Variants in BCHE observed in about 807,000 individuals in gnomAD.
BCHE encodes cholinesterase.
Under a neutral mutation model 51.3 loss-of-function variants are expected in BCHE, and 48 were observed. That is an observed-to-expected ratio of 0.94 (90% CI 0.74 to 1.19). BCHE has a LOEUF of 1.19. Ranked by LOEUF, BCHE falls within the 50% of genes most tolerant of loss-of-function variation. The pLI is 0.00. For missense variants in BCHE, 847 were observed against 708.2 expected, an observed-to-expected ratio of 1.20 and a Z score of -2.23; for synonymous variants, 251 against 238.0, an observed-to-expected ratio of 1.05 and a Z score of -0.50.
chr3:165,780,981 C>T (rs972924975), intron 3 of BCHE, among the ~76,000 whole-genome samples: 6 of 152,118 alleles, frequency 3.9e-5, no homozygotes, highest in Non-Finnish European at 8.8e-5. Flanking sequence ...GTGGCTCACA[C>T]ATTTAATCCC....
intron 2 of BCHE, among the ~76,000 whole-genome samples, chr3:165,809,134 T>C (rs1230849680): frequency 6.6e-6 from 1 of 152,172 alleles, no homozygotes; most frequent in Non-Finnish European, 1.5e-5. Context: ...TTAATGGATA[T>C]CATAATGTTA....
chr3:165,806,492 A>C (rs1450656107), intron 2 of BCHE, among the ~76,000 whole-genome samples: 5 of 152,162 alleles, frequency 3.3e-5, no homozygotes, highest in Admixed American at 6.5e-5. Flanking sequence ...CAGTGATGGT[A>C]GGCCTGCATT....
At chr3:165,810,710 T>C (rs1714061253) in intron 2 of BCHE, among the ~76,000 whole-genome samples, 3 of 152,142 alleles carry the variant, frequency 2.0e-5, no homozygotes, top group Admixed American at 2.0e-4. Flanking sequence ...CCATTTGAAA[T>C]GAATGGTAAG....
intron 2 of BCHE, chr3:165,827,928 A>G (rs558445840): frequency 4.9e-6 from 2 of 407,074 alleles, no homozygotes; most frequent in African/African-American, 2.1e-5. Context: ...TACTCATACT[A>G]TCTTTTACCA....
Position 165,829,521 on chromosome 3 carries a change from A to C in BCHE, c.1513T>G (p.Tyr505Asp). 1 of 1,612,954 alleles carries C rather than the reference A, an allele frequency of 6.2e-7. No individual in the cohort carries two copies. The change falls in exon 2 of 4, where the codon TAT becomes GAT. Residue 505 changes from tyrosine to aspartate, a missense_variant. Tyr to Asp is a radical substitution (Grantham distance 160). Coordinates refer to ENST00000264381, the MANE Select transcript of BCHE (RefSeq NM_000055.4). ...ATGACAAAAATCAGCACTTACCCAT[A>C]TTTTGCAAAATTTGCCCACCGTTTC... ...IVKRWANFAK[Y>D]GNPNETQNNS... is the part of the protein sequence containing the mutation.
Position 165,821,990 on chromosome 3 carries a change from G to A in BCHE, c.1517+7527C>T, listed in dbSNP as rs1714542140. On this transcript the variant is annotated intron_variant, in intron 2 of 3. Coordinates refer to ENST00000264381, the MANE Select transcript of BCHE (RefSeq NM_000055.4). ...ATTCTGTGATAAATTTCCTTAAAGT[G>A]TAAGGGAATAAATAATAAATAAAAT... is the stretch of plus-strand genomic sequence containing the variant. 5.9e-5 allele frequency among the ~76,000 whole-genome samples: 9 copies of A among 151,960 alleles called. No individual in the cohort carries two copies. The South Asian group carries it at 1.9e-3, about 32-fold the overall frequency.
At chr3:165,824,330 C>T (rs901551888) in intron 2 of BCHE, among the ~76,000 whole-genome samples, 6 of 151,676 alleles carry the variant, frequency 4.0e-5, no homozygotes, top group Non-Finnish European at 8.8e-5. Context: ...ATGGTCCTTT[C>T]AATAGAAGCA....
At position 165,829,953 on chromosome 3, in the gene BCHE, C is replaced by A; in HGVS notation, c.1081G>T (p.Gly361Cys). 6.2e-7 allele frequency: 1 copy of A among 1,613,660 alleles called. No homozygotes were observed. The highest frequency in any genetic ancestry group is 1.7e-5 in the Admixed American group (1 of 59,876). ...TTATCTTTGCTGAAGCCAGGAGCAC[C>A]ATAGACTAAAAAAGCTGTCCCTTCA... ...KDEGTAFLVY[G>C]APGFSKDNNS... The change falls in exon 2 of 4, where the codon GGT (glycine) becomes TGT (cysteine). Residue 361 changes from glycine (G) to cysteine (C), a missense_variant. Coordinates refer to ENST00000264381, the MANE Select transcript of BCHE (RefSeq NM_000055.4).
chr3:165,783,669 G>T (rs1187524162), intron 3 of BCHE, among the ~76,000 whole-genome samples: 1 of 151,872 alleles, frequency 6.6e-6, no homozygotes, highest in Admixed American at 6.6e-5. Flanking sequence ...TTCTTCATTA[G>T]GATAATATGA....
intron 1 of BCHE, 85 bp from the exon 2 acceptor site, chr3:165,831,126 G>T: frequency 8.4e-7 from 1 of 1,193,818 alleles, no homozygotes; most frequent in South Asian, 1.4e-5. Flanking sequence ...CTAAAATATA[G>T]TCGTTAGTAA....
At chr3:165,785,113 G>C (rs931975801) in intron 3 of BCHE, among the ~76,000 whole-genome samples, 1 of 151,726 alleles carries the variant, frequency 6.6e-6, no homozygotes, top group African/African-American at 2.4e-5. Flanking sequence ...TAATCAAAAG[G>C]CATATTAAGC....
intron 2 of BCHE, among the ~76,000 whole-genome samples, chr3:165,803,647 G>A (rs186182603): frequency 1.2e-4 from 18 of 152,234 alleles, no homozygotes; most frequent in Admixed American, 1.1e-3. Flanking sequence ...AGGTCAAGTT[G>A]ACAGAATTTA....
chr3:165,809,117 A>C (rs1026582738), intron 2 of BCHE, among the ~76,000 whole-genome samples: 34 of 152,038 alleles, frequency 2.2e-4, no homozygotes, highest in Admixed American at 2.2e-3. Context: ...AAATATTATT[A>C]AATTTTTTAA....
chr3:165,837,165 C>T (rs545578322), intron 1 of BCHE, 149 bp downstream of exon 1: 2 of 387,458 alleles, frequency 5.2e-6, no homozygotes, highest in East Asian at 7.9e-5. Flanking sequence ...GGCTCACTTC[C>T]TCTGTCCCAT....
intron 3 of BCHE, chr3:165,778,625 C>A: frequency 2.3e-6 from 1 of 432,500 alleles, no homozygotes; most frequent in Non-Finnish European, 4.8e-6. Context: ...AAAAGCTTTC[C>A]ATGGTCCTGG....
At chr3:165,810,886 G>A (rs752707885) in intron 2 of BCHE, among the ~76,000 whole-genome samples, 22 of 151,996 alleles carry the variant, frequency 1.4e-4, no homozygotes, top group African/African-American at 4.8e-5. Context: ...AAAACTGATG[G>A]GGAACTTTTC....
chr3:165,808,535 A>G (rs896218920), intron 2 of BCHE, among the ~76,000 whole-genome samples: 6 of 152,170 alleles, frequency 3.9e-5, no homozygotes, highest in African/African-American at 1.4e-4. Flanking sequence ...ATAATCTATG[A>G]TGTTGTAAGA....
chr3:165,814,273 G>GAC (rs1224615276), intron 2 of BCHE, among the ~76,000 whole-genome samples: 7 of 151,914 alleles, frequency 4.6e-5, no homozygotes, highest in African/African-American at 1.7e-4. Flanking sequence ...TCATTAATAT[G>GAC]ATTCAAAATT....
chr3:165,820,244 T>C (rs1314550750), intron 2 of BCHE, among the ~76,000 whole-genome samples: 1 of 152,138 alleles, frequency 6.6e-6, no homozygotes, highest in African/African-American at 2.4e-5. Context: ...CTGTCATTCA[T>C]TGAAAAATAT....
Sources: gnomAD v4.1 joint callset for allele counts (sites outside exome capture counted in the v4.1 genomes callset) on GRCh38, gnomAD v4.1.1 for gene constraint, MANE v1.5 for transcripts, NCBI Gene and HGNC (gene_info 2026-07-23, HGNC 2026-07-21) for gene names.